Variants in UGGT2 observed in about 807,000 individuals in gnomAD.
UGGT2 encodes UDP-glucose:glycoprotein glucosyltransferase 2.
In UGGT2, 180 loss-of-function variants were observed where a neutral mutation model predicts 192.1. The ratio of observed to expected loss-of-function variants is 0.94; its 90% CI spans 0.83 to 1.06. The LOEUF (loss-of-function observed/expected upper bound fraction) is 1.06. Ranked by LOEUF, UGGT2 falls within the 50% of genes least tolerant of loss-of-function variation. The pLI is 0.00. For missense variants in UGGT2, 1,849 were observed against 1,795.7 expected (o/e 1.03, Z -0.54); for synonymous variants, 580 against 591.0 (o/e 0.98, Z 0.27).
chr13:95,964,179 T>C (rs1053096778), intron 12 of UGGT2, among the ~76,000 whole-genome samples: 4 of 152,108 alleles, frequency 2.6e-5, no homozygotes, highest in Non-Finnish European at 2.9e-5. Context: ...TTATAGCCAA[T>C]TGATTTTTGA....
intron 38 of UGGT2, among the ~76,000 whole-genome samples, chr13:95,820,546 C>A (rs763939716): frequency 6.6e-6 from 1 of 152,124 alleles, no homozygotes; most frequent in Admixed American, 6.6e-5. Flanking sequence ...ACATTAGAGA[C>A]AAGACTACCA....
chr13:95,815,464 A>G (rs1248632792), intron 38 of UGGT2, among the ~76,000 whole-genome samples: 1 of 152,208 alleles, frequency 6.6e-6, no homozygotes, highest in African/African-American at 2.4e-5. Context: ...CCAACAAGAA[A>G]TTTAAAAATA....
intron 30 of UGGT2, among the ~76,000 whole-genome samples, chr13:95,864,808 C>T (rs1192786040): frequency 2.0e-5 from 3 of 152,174 alleles, no homozygotes; most frequent in African/African-American, 7.2e-5. Context: ...AACTACCTAT[C>T]TTCTTTCTTG....
intron 38 of UGGT2, among the ~76,000 whole-genome samples, chr13:95,827,365 C>G (rs925645826): frequency 6.6e-6 from 1 of 152,078 alleles, no homozygotes; most frequent in Non-Finnish European, 1.5e-5. Context: ...AAGCGTAGAC[C>G]CTAATCCAAT....
chr13:96,005,586 G>A (rs1269786373), intron 5 of UGGT2, among the ~76,000 whole-genome samples: 4 of 152,156 alleles, frequency 2.6e-5, no homozygotes, highest in South Asian at 4.1e-4. Flanking sequence ...CACTGAAGAC[G>A]GGAGAAATGG....
chr13:95,960,393 A>G (rs2050349616), intron 12 of UGGT2, among the ~76,000 whole-genome samples: 1 of 152,236 alleles, frequency 6.6e-6, no homozygotes, highest in Admixed American at 6.5e-5. Flanking sequence ...CAAATAGAAA[A>G]TTCATTGAAT....
chr13:96,045,455 T>G (rs571509703), intron 1 of UGGT2, among the ~76,000 whole-genome samples: 2 of 152,180 alleles, frequency 1.3e-5, no homozygotes, highest in Non-Finnish European at 2.9e-5. Context: ...TCACCACTTC[T>G]ATTCAACATA....
At chr13:95,805,061 A>G (rs1884238056) in intron 38 of UGGT2, among the ~76,000 whole-genome samples, 2 of 152,136 alleles carry the variant, frequency 1.3e-5, no homozygotes, top group Non-Finnish European at 2.9e-5. Context: ...AATATTTACA[A>G]TATATAAAGA....
intron 1 of UGGT2, among the ~76,000 whole-genome samples, chr13:96,044,079 T>C (rs1190311692): frequency 6.6e-6 from 1 of 152,062 alleles, no homozygotes; most frequent in East Asian, 1.9e-4. Context: ...TCATCATCAG[T>C]GCATGAAACT....
intron 4 of UGGT2, among the ~76,000 whole-genome samples, chr13:96,015,289 A>G (rs976439058): frequency 5.9e-5 from 9 of 151,990 alleles, no homozygotes; most frequent in Non-Finnish European, 1.0e-4. Flanking sequence ...AAAAAAAAAA[A>G]AAAGAAAGAA....
At chr13:96,035,971 GT>G (rs1255116604) in intron 1 of UGGT2, among the ~76,000 whole-genome samples, 2 of 152,214 alleles carry the variant, frequency 1.3e-5, no homozygotes, top group African/African-American at 4.8e-5. Flanking sequence ...ACGTAAATTA[GT>G]TCAACCATTG....
chr13:95,861,034 A>G, intron 31 of UGGT2, 151 bp from the exon 32 acceptor site: 2 of 406,592 alleles, frequency 4.9e-6, no homozygotes, highest in Non-Finnish European at 8.7e-6. Context: ...ATATTAAAAT[A>G]TTTGACAATA....
At chr13:95,992,066 G>A (rs1857059216) in intron 7 of UGGT2, among the ~76,000 whole-genome samples, 1 of 152,156 alleles carries the variant, frequency 6.6e-6, no homozygotes, top group Admixed American at 6.5e-5. Flanking sequence ...AGGAGGCTGA[G>A]GCAGGAGAAT....
At chr13:95,811,943 G>A (rs1884606231) in intron 38 of UGGT2, among the ~76,000 whole-genome samples, 1 of 151,862 alleles carries the variant, frequency 6.6e-6, no homozygotes, top group Admixed American at 6.6e-5. Flanking sequence ...GAAAAAGAAG[G>A]AAAAAAGGCA....
At chr13:95,941,199 A>C (rs979116853) in intron 15 of UGGT2, among the ~76,000 whole-genome samples, 2 of 152,236 alleles carry the variant, frequency 1.3e-5, no homozygotes, top group Middle Eastern at 3.2e-3. Context: ...AACACTATTA[A>C]GCAGCATTTG....
At chr13:95,937,658 A>G (rs144079515) in intron 16 of UGGT2, among the ~76,000 whole-genome samples, 118 of 152,280 alleles carry the variant, frequency 7.7e-4, no homozygotes, top group African/African-American at 2.4e-3. Context: ...AGAAGACTCT[A>G]TGGGGCCCAG....
intron 17 of UGGT2, 101 bp downstream of exon 17, chr13:95,936,823 G>A: frequency 1.7e-6 from 2 of 1,159,558 alleles, no homozygotes; most frequent in Non-Finnish European, 2.3e-6. Context: ...GATCAGAATG[G>A]AAATTTTTTA....
intron 31 of UGGT2, among the ~76,000 whole-genome samples, chr13:95,861,815 A>G (rs1007821482): frequency 1.3e-5 from 2 of 152,150 alleles, no homozygotes; most frequent in Non-Finnish European, 2.9e-5. Context: ...GCAAGAAAAA[A>G]TAATCATTCT....
At chr13:96,026,157 C>T (rs1321808454) in intron 2 of UGGT2, among the ~76,000 whole-genome samples, 1 of 151,514 alleles carries the variant, frequency 6.6e-6, no homozygotes, top group Non-Finnish European at 1.5e-5. Flanking sequence ...TTGCAACATT[C>T]TCTAGTTTAA....
Sources: allele counts gnomAD v4.1 joint callset (sites outside exome capture counted in the v4.1 genomes callset), GRCh38; gene constraint gnomAD v4.1.1; transcripts MANE v1.5; gene names NCBI Gene and HGNC (gene_info 2026-07-23, HGNC 2026-07-21).